ZFP64: variants seen among roughly 807,000 people sequenced by gnomAD.
ZFP64 encodes the protein ZFP64 zinc finger protein, also known as zinc finger protein 64.
ZFP64 carries 14 observed loss-of-function variants against 51.6 expected under a neutral mutation model. The ratio of observed to expected loss-of-function variants is 0.27; its 90% CI spans 0.18 to 0.42. The LOEUF is 0.42. Ranked by LOEUF, ZFP64 falls within the 10% of genes least tolerant of loss-of-function variation. The pLI is 1.00. For missense variants in ZFP64, 754 were observed against 906.8 expected, an observed-to-expected ratio of 0.83 and a Z score of 2.16; for synonymous variants, 375 against 361.4, an observed-to-expected ratio of 1.04 and a Z score of -0.43.
At chr20:52,179,601 A>G (rs1022989157) in intron 2 of ZFP64, among the ~76,000 whole-genome samples, 3 of 152,202 alleles carry the variant, frequency 2.0e-5, no homozygotes, top group Non-Finnish European at 4.4e-5. Flanking sequence ...TCACAGGCCA[A>G]ACTGAAACTT....
At chr20:52,175,926 C>T (rs1983169670) in intron 2 of ZFP64, 31 of 977,148 alleles carry the variant, frequency 3.2e-5, no homozygotes, top group Non-Finnish European at 3.6e-5. Context: ...CTTTCACTTA[C>T]GCTGTTCCCA....
At position 52,186,848 on chromosome 20, in the gene ZFP64, C is replaced by A. The variant is rs910765431; in HGVS notation, c.270G>T (p.Glu90Asp). 6.2e-7 allele frequency: 1 copy of A among 1,610,336 alleles called. No homozygotes were observed. Among genetic ancestry groups the A allele is most frequent in the African/African-American group, 1.3e-5 (1 of 74,834 alleles). ...TQTTTRTITS[E>D]TQTITVSAPE... ...CAGCTGTACCTGTGATTGTCTGGGT[C>A]TCCGAGGTGATGGTTCTGGTGGTGG... Residue 90 changes from glutamate (E) to aspartate (D), a missense_variant, in exon 2 of 6, where the codon GAG becomes GAT. Physicochemically the swap from Glu to Asp is conservative, Grantham distance 45. Coordinates refer to ENST00000216923, the MANE Select transcript of ZFP64 (RefSeq NM_018197.3).
chr20:52,120,014 C>T (rs1322903885), intron 5 of ZFP64, among the ~76,000 whole-genome samples: 1 of 152,106 alleles, frequency 6.6e-6, no homozygotes, highest in Non-Finnish European at 1.5e-5. Flanking sequence ...GTATTAAGAA[C>T]ACGGCTTTGG....
intron 5 of ZFP64, among the ~76,000 whole-genome samples, chr20:52,120,461 C>T (rs199844429): frequency 2.6e-4 from 39 of 152,152 alleles, no homozygotes; most frequent in East Asian, 2.1e-3. Flanking sequence ...TGTGCGTATA[C>T]GCCACTTTAT....
chr20:52,124,950 G>A (rs1979380084), intron 5 of ZFP64, among the ~76,000 whole-genome samples: 1 of 152,084 alleles, frequency 6.6e-6, no homozygotes, highest in African/African-American at 2.4e-5. Context: ...TGAAATCAAA[G>A]GCCAGTCCTG....
chr20:52,091,403 C>T (rs2122716364), intron 7 of ZFP64, among the ~76,000 whole-genome samples: 1 of 152,020 alleles, frequency 6.6e-6, no homozygotes, highest in East Asian at 1.9e-4. Flanking sequence ...CTGAAGATAC[C>T]TAAATCAAAG....
chr20:52,162,046 C>A (rs1981851932), intron 4 of ZFP64, among the ~76,000 whole-genome samples: 1 of 152,162 alleles, frequency 6.6e-6, no homozygotes, highest in Non-Finnish European at 1.5e-5. Flanking sequence ...ACCTGTAATT[C>A]CAGCACTTTG....
At chr20:52,097,884 C>T (rs6013389) in intron 6 of ZFP64, among the ~76,000 whole-genome samples, 34 of 137,546 alleles carry the variant, frequency 2.5e-4, no homozygotes, top group Non-Finnish European at 4.3e-4. Context: ...GCCTGGGTAA[C>T]GTAGAGACCC....
At chr20:52,120,961 G>A (rs12185802) in intron 5 of ZFP64, among the ~76,000 whole-genome samples, 1 of 152,090 alleles carries the variant, frequency 6.6e-6, no homozygotes, top group Non-Finnish European at 1.5e-5. Flanking sequence ...GCAGGCATGA[G>A]CCACCTCACC....
rs1366499332 is a variant in ZFP64 at position 52,134,222 on chromosome 20, G to A, written c.763+25901C>T. On this transcript the variant is annotated intron_variant, in intron 5 of 8. Transcript: ENST00000361387. ...ATTTTTTAAAAAAAATACACTTCAG[G>A]CCCCATAAAAGCTAGATCTACTCCT... Among the ~76,000 whole-genome samples the A allele has an allele frequency of 4.0e-5, 6 of 151,614 alleles. No homozygotes were observed. In the South Asian group the frequency reaches 1.0e-3, roughly 26 times the overall value.
chr20:52,145,151 G>T (rs1458433320), intron 5 of ZFP64, among the ~76,000 whole-genome samples: 1 of 152,172 alleles, frequency 6.6e-6, no homozygotes, highest in Non-Finnish European at 1.5e-5. Context: ...AAAAATCAGA[G>T]ATAGCACTAA....
intron 5 of ZFP64, among the ~76,000 whole-genome samples, chr20:52,157,472 A>G (rs1378858144): frequency 2.0e-5 from 3 of 152,190 alleles, no homozygotes; most frequent in Admixed American, 6.5e-5. Context: ...TACATTTTGC[A>G]ATCTTTTTCA....
chr20:52,168,460 C>T (rs1345523060), intron 2 of ZFP64, among the ~76,000 whole-genome samples: 1 of 152,198 alleles, frequency 6.6e-6, no homozygotes, highest in African/African-American at 2.4e-5. Context: ...GAACTTGTTA[C>T]CAAAGCAAAT....
chr20:52,122,442 C>T (rs1186608134), intron 5 of ZFP64, among the ~76,000 whole-genome samples: 1 of 146,648 alleles, frequency 6.8e-6, no homozygotes, highest in Non-Finnish European at 1.5e-5. Flanking sequence ...GGAGGTGGAG[C>T]TTGCAGTGAG....
intron 2 of ZFP64, among the ~76,000 whole-genome samples, chr20:52,172,201 GTTGGTGT>G (rs1982802093): frequency 2.0e-5 from 3 of 151,290 alleles, no homozygotes; most frequent in African/African-American, 7.3e-5. Context: ...GTGTGTGTGT[GTTGGTGT>G]GTGTGTGTGT....
intron 2 of ZFP64, among the ~76,000 whole-genome samples, chr20:52,170,922 C>G (rs191959876): frequency 6.6e-6 from 1 of 152,094 alleles, no homozygotes; most frequent in Admixed American, 6.5e-5. Context: ...GTAAATATTA[C>G]AGAGAAAAAT....
intron 4 of ZFP64, among the ~76,000 whole-genome samples, chr20:52,162,108 G>C (rs1981858153): frequency 6.6e-6 from 1 of 151,616 alleles, no homozygotes; most frequent in Non-Finnish European, 1.5e-5. Context: ...GACCAGCCTG[G>C]CCAACATGGT....
intron 2 of ZFP64, among the ~76,000 whole-genome samples, chr20:52,175,218 G>A (rs1271016371): frequency 1.3e-5 from 2 of 152,166 alleles, no homozygotes; most frequent in East Asian, 1.9e-4. Flanking sequence ...TGCCTCCCAG[G>A]TTCAAGTGAT....
chr20:52,159,968 AAAC>A (rs1016756396), intron 5 of ZFP64, among the ~76,000 whole-genome samples, 152 bp downstream of exon 5: 2 of 152,280 alleles, frequency 1.3e-5, no homozygotes, highest in South Asian at 2.1e-4. Context: ...GAGCGAGACA[AAAC>A]AACAACAACA....
Sources: allele counts gnomAD v4.1 joint callset (sites outside exome capture counted in the v4.1 genomes callset), GRCh38; gene constraint gnomAD v4.1.1; transcripts MANE v1.5; gene names NCBI Gene and HGNC (gene_info 2026-07-23, HGNC 2026-07-21).